The following NBPF9 variants were observed in gnomAD, a reference collection of about 807,000 sequenced individuals.
NBPF9 encodes the protein NBPF family member NBPF9.
In NBPF9, 91 loss-of-function variants were observed where a neutral mutation model predicts 97.8. The observed-to-expected ratio is 0.93, with a 90% CI of 0.79 to 1.11. NBPF9 has a LOEUF of 1.11. Ranked by LOEUF, NBPF9 falls within the 50% of genes least tolerant of loss-of-function variation. NBPF9 has a pLI of 0.00. For synonymous variants in NBPF9, 334 were observed against 359.5 expected, an observed-to-expected ratio of 0.93 and a Z score of 0.80; for missense variants, 992 against 939.5, an observed-to-expected ratio of 1.06 and a Z score of -0.73.
intron 1 of NBPF9, 31 bp downstream of exon 1, chr1:149,103,270 C>A (rs1397009155): frequency 6.6e-5 from 10 of 151,400 alleles, no homozygotes; most frequent in African/African-American, 2.2e-4. Context: ...CCCGGACTCA[C>A]CGCCCGCCCG....
intron 8 of NBPF9, among the ~76,000 whole-genome samples, chr1:149,079,565 T>C (rs2080225622): frequency 6.8e-6 from 1 of 147,914 alleles, no homozygotes. Flanking sequence ...TAGTGCATCT[T>C]GCGGCCACTA....
At chr1:149,052,388 G>A (rs1375194906), downstream of NBPF9, among the ~76,000 whole-genome samples, 2 of 151,100 alleles carry the variant, frequency 1.3e-5, no homozygotes, top group East Asian at 4.0e-4. Flanking sequence ...CTGTGACCGA[G>A]CACCAGGGTG....
chr1:149,102,971 G>T (rs2152929353), intron 1 of NBPF9, 124 bp from the exon 2 acceptor site: 1 of 151,722 alleles, frequency 6.6e-6, no homozygotes, highest in South Asian at 2.1e-4. Context: ...CTCGAGGGTG[G>T]GGTGCGGGGT....
intron 13 of NBPF9, among the ~76,000 whole-genome samples, 152 bp from the exon 14 acceptor site, chr1:149,073,084 A>G (rs2079551699): frequency 6.7e-6 from 1 of 150,076 alleles, no homozygotes; most frequent in Admixed American, 6.7e-5. Context: ...GCCAAGAGAA[A>G]GAATAGAAAA....
At chr1:149,099,385 T>A (rs1272399482) in intron 3 of NBPF9, among the ~76,000 whole-genome samples, 1 of 152,098 alleles carries the variant, frequency 6.6e-6, no homozygotes, top group Non-Finnish European at 1.5e-5. Context: ...ATACAAGCTA[T>A]TTTATTTGTT....
At chr1:149,074,335 T>C (rs1312229453) in intron 12 of NBPF9, among the ~76,000 whole-genome samples, 4 of 151,480 alleles carry the variant, frequency 2.6e-5, no homozygotes, top group African/African-American at 4.8e-5. Context: ...AAATCTTTGA[T>C]TTTTAAATCA....
At position 149,060,080 on chromosome 1, in the gene NBPF9, T is replaced by A. The variant is rs1206202569; in HGVS notation, c.2477-272A>T. 1.7e-5 allele frequency: 5 copies of A among 299,814 alleles called. 2 individuals are homozygous for A. The highest frequency in any genetic ancestry group is 5.7e-5 in the Admixed American group (1 of 17,600). The allele number at this position is 299,814 out of a possible 1,614,324, so 18.6% of individuals were successfully genotyped here. A position where few individuals can be genotyped will look rare whatever the true frequency, so the allele number is the denominator to read the frequency against. On this transcript the variant is annotated intron_variant, in intron 24 of 29. Transcript: ENST00000584027. ...TGTGCAAACAGTTATGCCATATTTT[T>A]CCAATCAATTTAAAGCAAATACCCT...
Position 149,062,548 on chromosome 1 carries a change from G to C in NBPF9, c.2079-283C>G, listed in dbSNP as rs1307655772. On this transcript the variant is annotated intron_variant, in intron 21 of 29. Transcript: ENST00000584027. The stretch of plus-strand genomic sequence containing the variant: ...AGGGGTCAAAGGACACTCTGAGTTA[G>C]TGCCCTCGGGACACACAGCGAACAG... 9.1e-5 allele frequency among the ~76,000 whole-genome samples: 13 copies of C among 142,518 alleles called. 1 individual carries two copies. The highest frequency in any genetic ancestry group is 2.1e-4 in the African/African-American group (8 of 38,446). 93.5% of individuals were successfully genotyped at this position (142,518 alleles called of 152,430 possible). A position where few individuals can be genotyped will look rare whatever the true frequency, so the allele number is the denominator to read the frequency against.
chr1:149,083,124 G>A (rs1778119), intron 5 of NBPF9, among the ~76,000 whole-genome samples: 977 of 116,346 alleles, frequency 8.4e-3, no homozygotes, highest in Middle Eastern at 0.03. Context: ...TCTTTACTCA[G>A]GTGGGTATAT....
intron 9 of NBPF9, 95 bp downstream of exon 9, chr1:149,078,912 A>G: frequency 6.3e-7 from 1 of 1,583,658 alleles, no homozygotes; most frequent in Non-Finnish European, 8.7e-7. Flanking sequence ...GCAGAAAAAA[A>G]CCCCACTGAT....
At chr1:149,058,712 G>T (rs2078401168) in intron 26 of NBPF9, 4 of 390,260 alleles carry the variant, frequency 1.0e-5, no homozygotes, top group Non-Finnish European at 1.8e-5. Context: ...CCACAGGCAT[G>T]GCTGGAGACT....
At chr1:149,060,770 G>A (rs1225482088) in intron 23 of NBPF9, 75 bp from the exon 24 acceptor site, 1 of 363,410 alleles carries the variant, frequency 2.8e-6, no homozygotes, top group South Asian at 3.0e-5. Context: ...GGTTTCATGG[G>A]TAGCATAGGG....
At chr1:149,056,160 C>A (rs1553648932) in intron 29 of NBPF9, among the ~76,000 whole-genome samples, 1 of 151,592 alleles carries the variant, frequency 6.6e-6, no homozygotes, top group Non-Finnish European at 1.5e-5. Context: ...AGGTGACATA[C>A]TGGTAAGGGA....
At chr1:149,094,060 A>C (rs1306352329) in intron 4 of NBPF9, among the ~76,000 whole-genome samples, 7 of 151,656 alleles carry the variant, frequency 4.6e-5, no homozygotes, top group Admixed American at 3.9e-4. Context: ...ACTTGAACTC[A>C]GGAGGTGGAG....
chr1:149,072,102 T>TC (rs1230225367), intron 14 of NBPF9, among the ~76,000 whole-genome samples: 3 of 149,640 alleles, frequency 2.0e-5, no homozygotes, highest in African/African-American at 5.0e-5. Context: ...ATTTCAAGCC[T>TC]CCAAGTGGCT....
chr1:149,084,314 TAATA>T (rs1349680902), intron 5 of NBPF9, among the ~76,000 whole-genome samples: 110 of 147,624 alleles, frequency 7.5e-4, no homozygotes, highest in African/African-American at 2.5e-3. Flanking sequence ...CACGTATATA[TAATA>T]TATACACACA....
At chr1:149,063,515 A>G (rs2078780795) in intron 20 of NBPF9, 118 bp downstream of exon 20, 2 of 701,378 alleles carry the variant, frequency 2.9e-6, no homozygotes, top group Non-Finnish European at 5.1e-6. Flanking sequence ...ACATGTGCCT[A>G]TAGGTCCTCC....
chr1:149,060,104 C>T, intron 24 of NBPF9: 1 of 258,984 alleles, frequency 3.9e-6, no homozygotes, highest in Non-Finnish European at 7.0e-6. Context: ...AGCAAATACC[C>T]TCAAATGATT....
At position 149,060,141 on chromosome 1, in the gene NBPF9, C is replaced by T. The variant is rs1355450182; in HGVS notation, c.2477-333G>A. ...CTAGGAGAAAAACTGCAATATTTAGCCCTGTCTCATCAAATACTCAGATTG... is the reference window on the plus strand; with the variant it reads ...CTAGGAGAAAAACTGCAATATTTAGTCCTGTCTCATCAAATACTCAGATTG... On this transcript the variant is annotated intron_variant, in intron 24 of 29. Transcript: ENST00000584027. 4 of 219,594 alleles carry T rather than the reference C, an allele frequency of 1.8e-5. 1 individual carries two copies. The highest frequency in any genetic ancestry group is 3.3e-5 in the Non-Finnish European group (4 of 119,954). The allele number at this position is 219,594 out of a possible 1,614,324, so 13.6% of individuals were successfully genotyped here.
Sources: gnomAD v4.1 joint callset for allele counts (sites outside exome capture counted in the v4.1 genomes callset) on GRCh38, gnomAD v4.1.1 for gene constraint, MANE v1.5 for transcripts, NCBI Gene and HGNC (gene_info 2026-07-23, HGNC 2026-07-21) for gene names.